The following ARHGAP24 variants were observed in gnomAD, a reference collection of about 807,000 sequenced individuals.
The protein encoded by ARHGAP24 is Rho GTPase activating protein 24.
In ARHGAP24, 50 loss-of-function variants were observed where a neutral mutation model predicts 76.4. The observed-to-expected ratio is 0.65, with a 90% CI of 0.52 to 0.83. ARHGAP24 has a LOEUF of 0.83. Among genes scored for constraint, ARHGAP24 ranks in the 40% least tolerant of loss-of-function variants. The probability of loss-of-function intolerance (pLI) is 0.00; values close to 1 mark genes in which losing one functional copy is unlikely to be tolerated. For synonymous variants in ARHGAP24, 345 were observed against 323.3 expected, an observed-to-expected ratio of 1.07 and a Z score of -0.72; for missense variants, 930 against 914.2, an observed-to-expected ratio of 1.02 and a Z score of -0.22.
At chr4:85,800,672 T>A (rs1359694008) in intron 3 of ARHGAP24, among the ~76,000 whole-genome samples, 1 of 152,194 alleles carries the variant, frequency 6.6e-6, no homozygotes, top group Non-Finnish European at 1.5e-5. Context: ...TCTTATTTCA[T>A]TAAGCCATAT....
chr4:85,934,147 T>C (rs1736501130), intron 4 of ARHGAP24, among the ~76,000 whole-genome samples: 1 of 152,242 alleles, frequency 6.6e-6, no homozygotes. Flanking sequence ...TCCCTATCTG[T>C]ATTTCTAAAA....
chr4:85,821,265 T>C (rs1729458205), intron 3 of ARHGAP24, among the ~76,000 whole-genome samples: 1 of 152,230 alleles, frequency 6.6e-6, no homozygotes, highest in Admixed American at 6.5e-5. Flanking sequence ...CTTGTTTTCA[T>C]AGTAAATTCC....
At position 85,675,549 on chromosome 4, in the gene ARHGAP24, A is replaced by C. The variant is rs1292822455; in HGVS notation, c.181-46336A>C. 2.0e-5 allele frequency among the ~76,000 whole-genome samples: 3 copies of C among 152,282 alleles called. No individual in the cohort carries two copies. The South Asian group carries it at 6.2e-4, about 32-fold the overall frequency. ...ATTGCGGGGTAACAATTTATGGATA[A>C]CCTTCTAACAAAAGATTTCCCGTAA... On this transcript the variant is annotated intron_variant, in intron 2 of 9. Coordinates refer to ENST00000395184, the MANE Select transcript of ARHGAP24 (RefSeq NM_001025616.3).
At chr4:85,554,969 C>T (rs914423125) in intron 1 of ARHGAP24, among the ~76,000 whole-genome samples, 7 of 144,720 alleles carry the variant, frequency 4.8e-5, no homozygotes, top group East Asian at 2.9e-4. Context: ...CATGAGCCAC[C>T]GCACCCAGCC....
chr4:85,743,192 C>T (rs1457757420), intron 3 of ARHGAP24, among the ~76,000 whole-genome samples: 2 of 151,654 alleles, frequency 1.3e-5, no homozygotes, highest in African/African-American at 4.8e-5. Context: ...AATCATGGTA[C>T]TTAAGTGGGA....
At chr4:85,937,263 G>A (rs1394593687) in intron 4 of ARHGAP24, among the ~76,000 whole-genome samples, 1 of 152,162 alleles carries the variant, frequency 6.6e-6, no homozygotes, top group Non-Finnish European at 1.5e-5. Context: ...AGGAATGTAG[G>A]TTGATTCTCA....
At chr4:85,543,705 T>C (rs1378052041) in intron 1 of ARHGAP24, among the ~76,000 whole-genome samples, 1 of 152,218 alleles carries the variant, frequency 6.6e-6, no homozygotes, top group Non-Finnish European at 1.5e-5. Context: ...TAAGACGACA[T>C]CACTAGTCTT....
chr4:85,919,937 T>A (rs1035622322), intron 3 of ARHGAP24, among the ~76,000 whole-genome samples: 1 of 152,234 alleles, frequency 6.6e-6, no homozygotes, highest in African/African-American at 2.4e-5. Flanking sequence ...ATGAAGCATC[T>A]TTTTATTGTG....
rs200009667 is a variant in ARHGAP24, at chr4:85,482,854, T to C, written c.-21+7295T>C. Among the ~76,000 whole-genome samples, 8 of 152,234 alleles carry C rather than the reference T, an allele frequency of 5.3e-5. No homozygotes were observed. The East Asian group carries it at 5.8e-4, about 11-fold the overall frequency. ...GAGAGGCTTAGTAGCTTGCCAAAAA[T>C]CACACAGCCACTATGTGGTAGATCT... On this transcript the variant is annotated intron_variant, in intron 1 of 9. Coordinates refer to ENST00000395184, the MANE Select transcript of ARHGAP24 (RefSeq NM_001025616.3).
At chr4:85,491,545 A>C (rs1356827166) in intron 1 of ARHGAP24, among the ~76,000 whole-genome samples, 1 of 152,166 alleles carries the variant, frequency 6.6e-6, no homozygotes, top group Non-Finnish European at 1.5e-5. Context: ...ACACACACAC[A>C]CACACAGCTG....
chr4:85,995,708 T>C, intron 9 of ARHGAP24, 51 bp downstream of exon 9: 2 of 1,547,560 alleles, frequency 1.3e-6, no homozygotes. Flanking sequence ...AGTAGCCTCC[T>C]ACTGTGGGAC....
chr4:85,808,981 G>T (rs1384086222), intron 3 of ARHGAP24, among the ~76,000 whole-genome samples: 1 of 152,090 alleles, frequency 6.6e-6, no homozygotes, highest in Non-Finnish European at 1.5e-5. Context: ...TTACAGAATT[G>T]TTTACACAAT....
intron 5 of ARHGAP24, among the ~76,000 whole-genome samples, chr4:85,967,199 C>T (rs978323829): frequency 6.6e-6 from 1 of 152,094 alleles, no homozygotes; most frequent in African/African-American, 2.4e-5. Context: ...CTTCAGTTCA[C>T]ATACCTAGCA....
intron 2 of ARHGAP24, among the ~76,000 whole-genome samples, chr4:85,701,922 A>G (rs1724104263): frequency 6.6e-6 from 1 of 152,196 alleles, no homozygotes; most frequent in African/African-American, 2.4e-5. Context: ...ATGTGGTCAG[A>G]TCACACTTCC....
At chr4:85,616,251 C>T (rs2109999791) in intron 2 of ARHGAP24, among the ~76,000 whole-genome samples, 1 of 152,268 alleles carries the variant, frequency 6.6e-6, no homozygotes, top group South Asian at 2.1e-4. Flanking sequence ...TGAGCAATAG[C>T]TTTCCTGGAA....
intron 2 of ARHGAP24, among the ~76,000 whole-genome samples, chr4:85,607,082 C>A (rs1331506047): frequency 6.6e-6 from 1 of 152,136 alleles, no homozygotes; most frequent in Non-Finnish European, 1.5e-5. Context: ...TGAGAGAGGG[C>A]CTGAGTTTAC....
In ARHGAP24 at chr4:85,977,627, G is replaced by A. The variant is rs756386506; in HGVS notation, c.864G>A (p.Leu288=). ...SGVNKMSVQN[L]ATVFGPNILR... ...TTAACAAAATGAGTGTGCAGAACTT[G>A]GCAACGGTCTTTGGTCCTAATATCC... Residue 288 remains leucine, a synonymous_variant, in exon 8 of 10, where the codon TTG becomes TTA. Transcript: ENST00000395184. The A allele has an allele frequency of 3.1e-6, 5 of 1,613,788 alleles. No homozygotes were observed. The South Asian group carries it at 4.4e-5, about 14-fold the overall frequency.
At chr4:85,691,284 A>G (rs1287465646) in intron 2 of ARHGAP24, among the ~76,000 whole-genome samples, 1 of 152,164 alleles carries the variant, frequency 6.6e-6, no homozygotes, top group African/African-American at 2.4e-5. Context: ...TCAGTCTTAG[A>G]ATATGTTCCA....
chr4:85,941,306 GT>G (rs1024931922), intron 4 of ARHGAP24, among the ~76,000 whole-genome samples: 10 of 152,250 alleles, frequency 6.6e-5, no homozygotes, highest in South Asian at 4.2e-4. Context: ...TGGTTTGTAG[GT>G]GTTGTAAAAT....
Sources: gnomAD v4.1 joint callset for allele counts (sites outside exome capture counted in the v4.1 genomes callset) on GRCh38, gnomAD v4.1.1 for gene constraint, MANE v1.5 for transcripts, NCBI Gene and HGNC (gene_info 2026-07-23, HGNC 2026-07-21) for gene names.